Variants in SAMD5 observed in about 807,000 individuals in gnomAD.
SAMD5 encodes sterile alpha motif domain containing 5.
A neutral mutation model predicts 11.3 loss-of-function variants in SAMD5; 13 were observed. That is an observed-to-expected ratio of 1.15 (90% confidence interval 0.75 to 1.83). The LOEUF (loss-of-function observed/expected upper bound fraction) is 1.83. Ranked by LOEUF, SAMD5 falls within the 40% of genes most tolerant of loss-of-function variation. The pLI is 0.00. For synonymous variants in SAMD5, 129 were observed against 111.3 expected, an observed-to-expected ratio of 1.16 and a Z score of -1.00; for missense variants, 255 against 239.1, an observed-to-expected ratio of 1.07 and a Z score of -0.44.
At chr6:147,714,640 G>A (rs1436460283) in intron 1 of SAMD5, among the ~76,000 whole-genome samples, 4 of 152,188 alleles carry the variant, frequency 2.6e-5, no homozygotes, top group African/African-American at 9.7e-5. Flanking sequence ...TTGTCTATGT[G>A]TAATTGTTAT....
intron 1 of SAMD5, among the ~76,000 whole-genome samples, chr6:147,554,823 T>A (rs1788828819): frequency 6.6e-6 from 1 of 152,224 alleles, no homozygotes; most frequent in Non-Finnish European, 1.5e-5. Context: ...TTGTGATGCC[T>A]ACCTTAACTT....
In SAMD5 at chr6:147,569,431, A is replaced by G. The variant is rs1350263427; in HGVS notation, c.*4975A>G. The G allele has an allele frequency of 1.3e-5, 12 of 958,694 alleles. No individual in the cohort carries two copies. Among genetic ancestry groups the G allele is most frequent in the African/African-American group, 1.8e-5 (1 of 56,696 alleles). The allele number at this position is 958,694 out of a possible 1,614,324, so 59.4% of individuals were successfully genotyped here. A position where few individuals can be genotyped will look rare whatever the true frequency, so the allele number is the denominator to read the frequency against. On this transcript the variant is annotated 3_prime_UTR_variant, in exon 2 of 2. Transcript: ENST00000367474. ...TATTTTTTTCTTAACAATTTTGCCAAAATTTCTTCTACTGGACCAAAAGGA... is the reference window on the plus strand; with the variant it reads ...TATTTTTTTCTTAACAATTTTGCCAGAATTTCTTCTACTGGACCAAAAGGA...
intron 1 of SAMD5, among the ~76,000 whole-genome samples, chr6:147,575,353 A>G (rs1789203598): frequency 6.6e-6 from 1 of 152,268 alleles, no homozygotes; most frequent in African/African-American, 2.4e-5. Flanking sequence ...CTGTCTGCAG[A>G]AAGTTTTCAG....
At chr6:147,544,813 T>G (rs550903408) in intron 1 of SAMD5, among the ~76,000 whole-genome samples, 1 of 152,338 alleles carries the variant, frequency 6.6e-6, no homozygotes, top group Admixed American at 6.5e-5. Flanking sequence ...TGTTTCAGAA[T>G]GGACCACCAA....
At chr6:147,573,012 C>A (rs928745539), downstream of SAMD5, among the ~76,000 whole-genome samples, 1 of 152,204 alleles carries the variant, frequency 6.6e-6, no homozygotes, top group Non-Finnish European at 1.5e-5. Flanking sequence ...TTGAATCCCA[C>A]AAAGCTGCTG....
At chr6:147,857,165 C>T in the SAMD5 span, among the ~76,000 whole-genome samples, 3 of 151,638 alleles carry the variant, frequency 2.0e-5, no homozygotes, top group African/African-American at 7.3e-5. Context: ...TTCCCAGTCA[C>T]CTGCCACTCA....
the SAMD5 span, among the ~76,000 whole-genome samples, chr6:147,762,246 C>T: frequency 8.2e-3 from 1,247 of 152,280 alleles, 17 homozygotes; most frequent in African/African-American, 0.028. Context: ...CACTCTGTCA[C>T]CCAAGCTGGA....
At chr6:147,554,763 G>A (rs1371427890) in intron 1 of SAMD5, among the ~76,000 whole-genome samples, 3 of 152,156 alleles carry the variant, frequency 2.0e-5, no homozygotes, top group African/African-American at 7.2e-5. Context: ...ATTTGAATGG[G>A]CAGAATTCTA....
the SAMD5 span, among the ~76,000 whole-genome samples, chr6:147,822,254 A>G: frequency 1.3e-5 from 2 of 152,170 alleles, no homozygotes; most frequent in African/African-American, 4.8e-5. Flanking sequence ...CCACTTGTCA[A>G]TTTGAATCTT....
rs570202916 is a variant in SAMD5, at chr6:147,555,525, A to AT, written c.460-8861dup. On this transcript the variant is annotated intron_variant, in intron 1 of 1. Coordinates refer to ENST00000367474, the MANE Select transcript of SAMD5 (RefSeq NM_001030060.3). Reference sequence around the variant, plus strand: ...TTTGATAGTTTCATACTGCCTAAATATTTTTTTTGATTAGGCTACCTTGGG... The same window carrying AT: ...TTTGATAGTTTCATACTGCCTAAATATTTTTTTTTGATTAGGCTACCTTGGG... 2.1e-3 allele frequency among the ~76,000 whole-genome samples: 325 copies of AT among 152,170 alleles called. 1 individual carries two copies. The highest frequency in any genetic ancestry group is 6.4e-3 in the African/African-American group (267 of 41,532).
intron 1 of SAMD5, among the ~76,000 whole-genome samples, chr6:147,716,205 G>A (rs905958109): frequency 5.9e-5 from 9 of 152,156 alleles, no homozygotes; most frequent in South Asian, 2.1e-4. Flanking sequence ...TCCTGTGCTC[G>A]TCACCCCCCA....
At chr6:147,899,390 A>G in the SAMD5 span, among the ~76,000 whole-genome samples, 1 of 152,108 alleles carries the variant, frequency 6.6e-6, no homozygotes, top group East Asian at 1.9e-4. Flanking sequence ...TGTCCTGGAA[A>G]CAGCTCAGGC....
chr6:147,568,864 GA>G lies in SAMD5; in HGVS notation c.*4409del, dbSNP rs1405902437. ...AAAATCAAATAACTTTCTAGTCCAT[GA>G]TCATTAATCCCTACTATTTTAGATA... On this transcript the variant is annotated 3_prime_UTR_variant, in exon 2 of 2. Transcript: ENST00000367474. 2.1e-6 allele frequency: 2 copies of G among 956,046 alleles called. No homozygotes were observed. Among genetic ancestry groups the G allele is most frequent in the Non-Finnish European group, 2.5e-6 (2 of 803,552 alleles). The allele number at this position is 956,046 out of a possible 1,614,324, so 59.2% of individuals were successfully genotyped here. A position where few individuals can be genotyped will look rare whatever the true frequency, so the allele number is the denominator to read the frequency against.
At chr6:147,938,490 A>G in the SAMD5 span, among the ~76,000 whole-genome samples, 1 of 152,234 alleles carries the variant, frequency 6.6e-6, no homozygotes, top group African/African-American at 2.4e-5. Context: ...CAATAAGCAG[A>G]CAATTGCCAT....
intron 1 of SAMD5, among the ~76,000 whole-genome samples, chr6:147,596,288 C>G (rs952512810): frequency 1.3e-5 from 2 of 152,140 alleles, no homozygotes; most frequent in Non-Finnish European, 2.9e-5. Flanking sequence ...GGTTATTGGC[C>G]GATGACTGTC....
the SAMD5 span, among the ~76,000 whole-genome samples, chr6:147,776,029 A>G: frequency 6.6e-6 from 1 of 152,256 alleles, no homozygotes; most frequent in African/African-American, 2.4e-5. Flanking sequence ...ACCGAGTAGT[A>G]GCAGCAAAGC....
intron 1 of SAMD5, among the ~76,000 whole-genome samples, chr6:147,540,021 A>C (rs1163247332): frequency 6.6e-6 from 1 of 152,230 alleles, no homozygotes; most frequent in Non-Finnish European, 1.5e-5. Context: ...TTACATAATT[A>C]AGGTTATAAC....
chr6:147,752,896 C>T, the SAMD5 span, among the ~76,000 whole-genome samples: 12 of 152,288 alleles, frequency 7.9e-5, no homozygotes, highest in Middle Eastern at 3.4e-3. Context: ...TGTTTGGAAT[C>T]CAGATTTCTG....
chr6:147,528,033 T>G (rs1183289713), intron 1 of SAMD5, among the ~76,000 whole-genome samples: 1 of 152,006 alleles, frequency 6.6e-6, no homozygotes, highest in Non-Finnish European at 1.5e-5. Context: ...TTGTGAGAAC[T>G]CACTCACTGT....
Sources: allele counts gnomAD v4.1 joint callset (sites outside exome capture counted in the v4.1 genomes callset), GRCh38; gene constraint gnomAD v4.1.1; transcripts MANE v1.5; gene names NCBI Gene and HGNC (gene_info 2026-07-23, HGNC 2026-07-21).